PHACTR1: variants seen among roughly 807,000 people sequenced by gnomAD.
PHACTR1 encodes the protein phosphatase and actin regulator 1, also known as RPEL repeat containing 1.
In PHACTR1, 16 loss-of-function variants were observed where a neutral mutation model predicts 69.2. The observed-to-expected ratio is 0.23, with a 90% CI of 0.16 to 0.35. The LOEUF (loss-of-function observed/expected upper bound fraction) is 0.35. PHACTR1 is among the 10% of genes least tolerant of loss of function. The probability of loss-of-function intolerance (pLI) is 1.00; values close to 1 mark genes in which losing one functional copy is unlikely to be tolerated. For synonymous variants in PHACTR1, 312 were observed against 284.5 expected (o/e 1.10, Z -0.97); for missense variants, 510 against 734.7 (o/e 0.69, Z 3.54).
chr6:13,267,818 C>T (rs553253392), intron 10 of PHACTR1: 96 of 123,382 alleles, frequency 7.8e-4, no homozygotes, highest in African/African-American at 2.4e-3. Flanking sequence ...CAGAGGCCCT[C>T]GGGGGTCCAG....
intron 7 of PHACTR1, among the ~76,000 whole-genome samples, chr6:13,194,493 A>G (rs1157180220): frequency 6.6e-6 from 1 of 151,910 alleles, no homozygotes; most frequent in Admixed American, 6.6e-5. Context: ...AAAAAAAAAA[A>G]ACTAACTGAA....
intron 4 of PHACTR1, chr6:12,934,011 T>G (rs1789174007): frequency 6.8e-7 from 1 of 1,479,734 alleles, no homozygotes; most frequent in Non-Finnish European, 9.0e-7. Context: ...CAATATCAAT[T>G]TGCTCTCTGA....
At chr6:13,256,990 C>T (rs436268) in intron 10 of PHACTR1, among the ~76,000 whole-genome samples, 11,443 of 152,218 alleles carry the variant, frequency 0.075, 714 homozygotes, top group Admixed American at 0.22. Flanking sequence ...TCTGTATTAG[C>T]CTTTTCTCGA....
chr6:13,185,365 G>A (rs533887180), intron 7 of PHACTR1, among the ~76,000 whole-genome samples: 41 of 151,692 alleles, frequency 2.7e-4, no homozygotes, highest in African/African-American at 9.4e-4. Flanking sequence ...CTCCATATGA[G>A]TATGTCAAGG....
intron 4 of PHACTR1, among the ~76,000 whole-genome samples, chr6:12,928,080 G>C (rs1453629652): frequency 6.6e-6 from 1 of 152,084 alleles, no homozygotes; most frequent in Non-Finnish European, 1.5e-5. Context: ...TGTCGACTCA[G>C]ACTAGGAGGG....
chr6:12,830,121 G>GAAAGAAAGAAAGAAAGAAAGAAAGAAAGA (rs1777334617), intron 4 of PHACTR1, among the ~76,000 whole-genome samples: 1 of 121,370 alleles, frequency 8.2e-6, no homozygotes, highest in African/African-American at 3.2e-5. Flanking sequence ...AAGAAAGAAA[G>GAAAGAAAGAAAGAAAGAAAGAAAGAAAGA]AAAGAAAGAA....
chr6:12,881,623 G>A (rs1537340), intron 4 of PHACTR1, among the ~76,000 whole-genome samples: 36,104 of 151,836 alleles, frequency 0.24, 4,787 homozygotes, highest in Middle Eastern at 0.38. Context: ...ACTTCATAAC[G>A]TCATCACTCT....
intron 4 of PHACTR1, among the ~76,000 whole-genome samples, chr6:12,754,744 T>A (rs1007410667): frequency 1.3e-5 from 2 of 152,210 alleles, no homozygotes; most frequent in African/African-American, 4.8e-5. Context: ...GACATATTTT[T>A]AAAAAATGAA....
At chr6:12,962,987 T>G (rs1160013326) in intron 4 of PHACTR1, among the ~76,000 whole-genome samples, 2 of 152,156 alleles carry the variant, frequency 1.3e-5, no homozygotes, top group African/African-American at 4.8e-5. Context: ...AGCACATGCA[T>G]GCACACACAC....
At chr6:12,908,235 C>T (rs1223457457) in intron 4 of PHACTR1, among the ~76,000 whole-genome samples, 1 of 152,178 alleles carries the variant, frequency 6.6e-6, no homozygotes, top group African/African-American at 2.4e-5. Context: ...TCTTCAAGAT[C>T]GTTATCGAGT....
At chr6:13,262,251 T>A (rs1776019505) in intron 10 of PHACTR1, among the ~76,000 whole-genome samples, 1 of 152,118 alleles carries the variant, frequency 6.6e-6, no homozygotes, top group Non-Finnish European at 1.5e-5. Flanking sequence ...TGATTCCCAG[T>A]TTCATGGCCT....
At chr6:13,051,086 C>A (rs1463225280) in intron 4 of PHACTR1, among the ~76,000 whole-genome samples, 1 of 152,122 alleles carries the variant, frequency 6.6e-6, no homozygotes, top group African/African-American at 2.4e-5. Context: ...CTAATTGCAT[C>A]CTGATCACGT....
intron 4 of PHACTR1, among the ~76,000 whole-genome samples, chr6:12,885,518 G>A (rs1783553051): frequency 6.6e-6 from 1 of 152,210 alleles, no homozygotes; most frequent in Non-Finnish European, 1.5e-5. Flanking sequence ...TTTGAAGTTG[G>A]AAATTGCAAT....
At chr6:12,773,911 A>G (rs906794618) in intron 4 of PHACTR1, among the ~76,000 whole-genome samples, 18 of 152,272 alleles carry the variant, frequency 1.2e-4, no homozygotes, top group African/African-American at 4.1e-4. Context: ...TGGTTCATCA[A>G]TTTGGTAATT....
chr6:13,084,492 G>A (rs1419004995), intron 5 of PHACTR1, among the ~76,000 whole-genome samples: 3 of 151,118 alleles, frequency 2.0e-5, no homozygotes, highest in Non-Finnish European at 4.4e-5. Context: ...CCTGCACGTT[G>A]TACACATGTA....
chr6:12,914,565 A>G (rs1786759973), intron 4 of PHACTR1, among the ~76,000 whole-genome samples: 1 of 152,130 alleles, frequency 6.6e-6, no homozygotes, highest in Admixed American at 6.5e-5. Context: ...TGGAGGTCCT[A>G]CACACACCTT....
chr6:12,795,549 G>T (rs192313418), intron 4 of PHACTR1, among the ~76,000 whole-genome samples: 3 of 152,278 alleles, frequency 2.0e-5, no homozygotes, highest in Non-Finnish European at 2.9e-5. Flanking sequence ...CCATCTGAAG[G>T]TTGGATGTAT....
At chr6:12,944,093 C>A (rs1790337499) in intron 4 of PHACTR1, among the ~76,000 whole-genome samples, 1 of 152,166 alleles carries the variant, frequency 6.6e-6, no homozygotes, top group South Asian at 2.1e-4. Context: ...AATTAAGAGA[C>A]ATTACCCTCT....
intron 5 of PHACTR1, among the ~76,000 whole-genome samples, chr6:13,086,123 C>G (rs1320610466): frequency 4.2e-5 from 4 of 95,852 alleles, no homozygotes; most frequent in Admixed American, 4.0e-4. Flanking sequence ...AGGAAAAGTA[C>G]ATAGCTACAG....
Sources: allele counts gnomAD v4.1 joint callset (sites outside exome capture counted in the v4.1 genomes callset), GRCh38; gene constraint gnomAD v4.1.1; transcripts MANE v1.5; gene names NCBI Gene and HGNC (gene_info 2026-07-23, HGNC 2026-07-21).